The following NAV3 variants were observed in gnomAD, a reference collection of about 807,000 sequenced individuals.
NAV3 encodes neuron navigator 3.
NAV3 carries 87 observed loss-of-function variants against 244.7 expected under a neutral mutation model. The ratio of observed to expected loss-of-function variants is 0.36; its 90% CI spans 0.30 to 0.42. The LOEUF (loss-of-function observed/expected upper bound fraction) is 0.42. Among genes scored for constraint, NAV3 ranks in the 20% least tolerant of loss-of-function variants. NAV3 has a pLI of 1.00. For synonymous variants in NAV3, 1,126 were observed against 1,042.2 expected (o/e 1.08, Z -1.55); for missense variants, 2,663 against 2,893.3 (o/e 0.92, Z 1.83).
chr12:78,198,912 CAAAAACAAAAA>C (rs1437396225), intron 36 of NAV3, among the ~76,000 whole-genome samples: 26 of 19,634 alleles, frequency 1.3e-3, no homozygotes, highest in African/African-American at 3.7e-3. Flanking sequence ...TTTCTTTAAA[CAAAAACAAAAA>C]AAAAAAAAAA....
chr12:78,197,486 A>T (rs968085395), intron 35 of NAV3, 85 bp downstream of exon 35: 3 of 962,364 alleles, frequency 3.1e-6, no homozygotes, highest in Non-Finnish European at 4.4e-6. Flanking sequence ...CATTTTTAAA[A>T]TTTGTTTAAT....
chr12:77,890,646 C>T (rs1883822350), intron 1 of NAV3, among the ~76,000 whole-genome samples: 1 of 152,074 alleles, frequency 6.6e-6, no homozygotes, highest in Non-Finnish European at 1.5e-5. Flanking sequence ...TTTTACGATT[C>T]TTCATCGAGT....
intron 2 of NAV3, among the ~76,000 whole-genome samples, chr12:77,621,076 G>A (rs1403878211): frequency 6.6e-6 from 1 of 152,100 alleles, no homozygotes; most frequent in Non-Finnish European, 1.5e-5. Flanking sequence ...GAAGGTTTGA[G>A]TTTGTGATTT....
Position 78,092,837 on chromosome 12 carries a change from C to A in NAV3, c.2637-23935C>A, listed in dbSNP as rs112304254. ...TTCTAAAGTGTTTCATCCATATTCG[C>A]TTGGGTCTTCAGTCAAATTTTAAGG... On this transcript the variant is annotated intron_variant, in intron 12 of 39. Coordinates refer to ENST00000397909, the MANE Select transcript of NAV3 (RefSeq NM_001024383.2). 2.9e-3 allele frequency among the ~76,000 whole-genome samples: 434 copies of A among 152,162 alleles called. 3 individuals carry two copies. The highest frequency in any genetic ancestry group is 0.01 in the African/African-American group (419 of 41,542).
chr12:77,690,054 G>T (rs905575068), intron 2 of NAV3, among the ~76,000 whole-genome samples: 4 of 151,702 alleles, frequency 2.6e-5, no homozygotes, highest in Non-Finnish European at 5.9e-5. Context: ...ATAGGTAAGT[G>T]GTTCTGTTAC....
At position 78,006,957 on chromosome 12, in the gene NAV3, G is replaced by A. The variant is rs763070116; in HGVS notation, c.1419G>A (p.Arg473=). 1 of 1,613,778 alleles carries A rather than the reference G, an allele frequency of 6.2e-7. No individual in the cohort carries two copies. Among genetic ancestry groups the A allele is most frequent in the South Asian group, 1.1e-5 (1 of 91,058 alleles). The change falls in exon 8 of 40, where the codon AGG becomes AGA. Residue 473 remains arginine (R), a synonymous_variant. Transcript: ENST00000397909. ...CAAAGGAAAAAGAAGAAAAGAACAG[G>A]GACAAAAATAAAGTTTGCACTGAAA... ...LQPKEKEEKN[R]DKNKVCTEKP...
intron 23 of NAV3, among the ~76,000 whole-genome samples, chr12:78,166,431 A>G (rs1957784178): frequency 6.6e-6 from 1 of 151,180 alleles, no homozygotes; most frequent in South Asian, 2.1e-4. Flanking sequence ...CTTTTTAATC[A>G]AAGACTATGG....
chr12:77,796,768 A>G (rs1871425903), intron 2 of NAV3, among the ~76,000 whole-genome samples: 1 of 152,196 alleles, frequency 6.6e-6, no homozygotes, highest in Non-Finnish European at 1.5e-5. Context: ...ACGACTTTAT[A>G]CCAGCAAAAA....
rs114001334 is a variant in NAV3, at chr12:77,674,151, C to A, written c.72+101885C>A. The stretch of plus-strand genomic sequence containing the variant: ...CTTTATAAATGTAAAAATAGCAAAC[C>A]ATTTTATTAGGTTTTCTTCATACAA... On this transcript the variant is annotated intron_variant, in intron 2 of 8. Transcript: ENST00000550042. 2.1e-3 allele frequency among the ~76,000 whole-genome samples: 313 copies of A among 152,132 alleles called. 4 individuals are homozygous for A. The highest frequency in any genetic ancestry group is 7.2e-3 in the African/African-American group (299 of 41,514).
At chr12:77,809,717 A>C (rs567940217) in intron 2 of NAV3, among the ~76,000 whole-genome samples, 1 of 152,334 alleles carries the variant, frequency 6.6e-6, no homozygotes, top group East Asian at 1.9e-4. Flanking sequence ...AAATAATTCA[A>C]AATAAAACAT....
At chr12:77,835,208 C>T (rs1276147197) in intron 1 of NAV3, among the ~76,000 whole-genome samples, 3 of 152,152 alleles carry the variant, frequency 2.0e-5, no homozygotes, top group African/African-American at 7.2e-5. Flanking sequence ...AATATTCTTC[C>T]ACACTGGCCT....
intron 19 of NAV3, 25 bp downstream of exon 19, chr12:78,137,390 T>A: frequency 6.4e-7 from 1 of 1,572,234 alleles, no homozygotes; most frequent in Non-Finnish European, 8.6e-7. Flanking sequence ...GGATTAAAGA[T>A]GAAGTCACTT....
intron 28 of NAV3, among the ~76,000 whole-genome samples, chr12:78,178,380 C>T (rs555733481): frequency 2.0e-5 from 3 of 151,852 alleles, no homozygotes; most frequent in Admixed American, 6.6e-5. Context: ...AGGCTGGTCT[C>T]GAACTCCTGA....
At chr12:77,784,258 C>G (rs763488392) in intron 2 of NAV3, among the ~76,000 whole-genome samples, 1 of 152,144 alleles carries the variant, frequency 6.6e-6, no homozygotes, top group Non-Finnish European at 1.5e-5. Flanking sequence ...CCCCTCTCCC[C>G]TAGATAAGGC....
intron 34 of NAV3, among the ~76,000 whole-genome samples, chr12:78,196,709 C>G (rs780280964): frequency 1.3e-5 from 2 of 151,998 alleles, no homozygotes; most frequent in South Asian, 4.2e-4. Flanking sequence ...AAATAATAAG[C>G]ATACTTTTAT....
intron 2 of NAV3, among the ~76,000 whole-genome samples, chr12:77,625,374 A>G (rs1871571499): frequency 6.6e-6 from 1 of 152,208 alleles, no homozygotes; most frequent in Non-Finnish European, 1.5e-5. Flanking sequence ...TTTAAAATAT[A>G]TATGAAAATA....
chr12:78,004,548 G>A (rs1347215215), intron 7 of NAV3, among the ~76,000 whole-genome samples: 1 of 152,208 alleles, frequency 6.6e-6, no homozygotes, highest in Non-Finnish European at 1.5e-5. Flanking sequence ...TCAACATTCA[G>A]AAATATGTCA....
chr12:78,095,761 C>G (rs560747470), intron 12 of NAV3, among the ~76,000 whole-genome samples: 1 of 152,246 alleles, frequency 6.6e-6, no homozygotes, highest in African/African-American at 2.4e-5. Flanking sequence ...ATGGAGCAAT[C>G]TAGGTTTTTG....
At chr12:77,617,235 C>G (rs551192748) in intron 2 of NAV3, among the ~76,000 whole-genome samples, 1 of 152,236 alleles carries the variant, frequency 6.6e-6, no homozygotes, top group South Asian at 2.1e-4. Context: ...ACTGTAGTAG[C>G]CAGTCCCCAG....
Sources: allele counts gnomAD v4.1 joint callset (sites outside exome capture counted in the v4.1 genomes callset), GRCh38; gene constraint gnomAD v4.1.1; transcripts MANE v1.5; gene names NCBI Gene and HGNC (gene_info 2026-07-23, HGNC 2026-07-21).